LRP1B: variants seen among roughly 807,000 people sequenced by gnomAD.
LRP1B encodes the protein low-density lipoprotein receptor-related protein 1B.
LRP1B carries 217 observed loss-of-function variants against 556.6 expected under a neutral mutation model. The ratio of observed to expected loss-of-function variants is 0.39; its 90% CI spans 0.35 to 0.44. The LOEUF (loss-of-function observed/expected upper bound fraction) is 0.44. Among genes scored for constraint, LRP1B ranks in the 20% least tolerant of loss-of-function variants. The pLI, the probability that LRP1B is intolerant of heterozygous loss-of-function variation, is 1.00. For missense variants in LRP1B, 5,053 were observed against 5,620.8 expected (o/e 0.90, Z 3.23); for synonymous variants, 2,047 against 1,865.8 (o/e 1.10, Z -2.50).
chr2:141,570,240 A>G (rs965521108), intron 2 of LRP1B, among the ~76,000 whole-genome samples: 10 of 150,932 alleles, frequency 6.6e-5, no homozygotes, highest in Admixed American at 3.3e-4. Flanking sequence ...TCTCATCAAA[A>G]TTTACTAGAA....
chr2:140,982,233 A>G lies in LRP1B; in HGVS notation c.2814T>C (p.Arg938=). The G allele has an allele frequency of 6.2e-7, 1 of 1,613,374 alleles. No individual in the cohort carries two copies. Among genetic ancestry groups the G allele is most frequent in the Non-Finnish European group, 8.5e-7 (1 of 1,179,552 alleles). The change falls in exon 18 of 91, where the codon CGT becomes CGC. Residue 938 remains arginine, a synonymous_variant. Transcript: ENST00000389484. ...QVDQFSCGNG[R]CIPRAWLCDR... ...CACACAGCCATGCTCTGGGAATGCAACGCCCATTTCCGCAAGAAAACTGGT... is the reference window on the plus strand; with the variant it reads ...CACACAGCCATGCTCTGGGAATGCAGCGCCCATTTCCGCAAGAAAACTGGT...
At chr2:140,436,795 C>T (rs188136511) in intron 66 of LRP1B, among the ~76,000 whole-genome samples, 6 of 152,108 alleles carry the variant, frequency 3.9e-5, no homozygotes, top group Non-Finnish European at 7.4e-5. Context: ...TGCACATATT[C>T]TCAAGACAGA....
chr2:141,549,186 G>A (rs551347107), intron 2 of LRP1B, among the ~76,000 whole-genome samples: 1 of 152,288 alleles, frequency 6.6e-6, no homozygotes, highest in East Asian at 1.9e-4. Context: ...CTATGAATTG[G>A]AAGGTATAAG....
intron 66 of LRP1B, among the ~76,000 whole-genome samples, chr2:140,441,433 C>A (rs1401117): frequency 6.6e-6 from 1 of 151,892 alleles, no homozygotes; most frequent in African/African-American, 2.4e-5. Flanking sequence ...TACAAAGTGG[C>A]AAATGGTAGT....
At position 140,291,295 on chromosome 2, in the gene LRP1B, A is replaced by ATT. The variant is rs1176498060; in HGVS notation, c.12967+6511_12967+6512dup. Among the ~76,000 whole-genome samples, 20 of 25,796 alleles carry ATT rather than the reference A, an allele frequency of 7.8e-4. No individual in the cohort carries two copies. The South Asian group carries it at 0.012, about 16-fold the overall frequency. The allele number at this position is 25,796 out of a possible 152,430, so 16.9% of individuals were successfully genotyped here. On this transcript the variant is annotated intron_variant, in intron 84 of 90. Coordinates refer to ENST00000389484, the MANE Select transcript of LRP1B (RefSeq NM_018557.3). ...CTTAGATACCACTTCAAGAAATTTT[A>ATT]TTTTATATATATATATATATATATT... is the stretch of plus-strand genomic sequence containing the variant.
intron 66 of LRP1B, among the ~76,000 whole-genome samples, chr2:140,441,029 G>A (rs1241267870): frequency 6.6e-6 from 1 of 151,922 alleles, no homozygotes; most frequent in East Asian, 1.9e-4. Flanking sequence ...TGAAATAGGG[G>A]TAATAAAGAG....
At chr2:140,745,452 G>A (rs544273609) in intron 35 of LRP1B, among the ~76,000 whole-genome samples, 21 of 152,192 alleles carry the variant, frequency 1.4e-4, no homozygotes, top group African/African-American at 4.3e-4. Context: ...TAAATCAGTA[G>A]AATAAAGCTT....
chr2:140,583,162 C>CTTTTTTTTTTTTTTT (rs1220644581), intron 43 of LRP1B, among the ~76,000 whole-genome samples: 6 of 107,818 alleles, frequency 5.6e-5, no homozygotes, highest in Non-Finnish European at 7.0e-5. Flanking sequence ...ACAGTTTCTC[C>CTTTTTTTTTTTTTTT]TTTTTTTTCT....
At chr2:141,115,634 T>TGTGTGTGTGTGC (rs1553462003) in intron 7 of LRP1B, among the ~76,000 whole-genome samples, 1 of 105,652 alleles carries the variant, frequency 9.5e-6, no homozygotes, top group Non-Finnish European at 2.1e-5. Context: ...TTTGTGTGTG[T>TGTGTGTGTGTGC]GTGTGTGTGT....
intron 2 of LRP1B, among the ~76,000 whole-genome samples, chr2:141,594,150 G>C (rs943630935): frequency 2.0e-5 from 3 of 152,042 alleles, no homozygotes; most frequent in Non-Finnish European, 2.9e-5. Context: ...GCCAGATGGG[G>C]GACTTTCTCA....
chr2:141,838,175 A>G (rs777226260), intron 1 of LRP1B, among the ~76,000 whole-genome samples: 7 of 152,118 alleles, frequency 4.6e-5, no homozygotes, highest in Non-Finnish European at 8.8e-5. Context: ...AGCTATAATA[A>G]TCTATAACGT....
intron 18 of LRP1B, among the ~76,000 whole-genome samples, chr2:140,957,250 T>C (rs1455832182): frequency 6.6e-6 from 1 of 151,636 alleles, no homozygotes; most frequent in African/African-American, 2.4e-5. Flanking sequence ...TTAAGGCACA[T>C]GAACAAGAGG....
chr2:140,834,366 A>G (rs111726704), intron 31 of LRP1B, among the ~76,000 whole-genome samples: 11,333 of 152,108 alleles, frequency 0.075, 572 homozygotes, highest in East Asian at 0.17. Context: ...CAGCCTCTCG[A>G]GTAGCTGGGA....
At chr2:141,999,218 G>C (rs758324380) in intron 1 of LRP1B, among the ~76,000 whole-genome samples, 5 of 152,022 alleles carry the variant, frequency 3.3e-5, no homozygotes, top group Non-Finnish European at 5.9e-5. Flanking sequence ...AATGGGAGGA[G>C]AGTATAAGGA....
At chr2:140,855,492 G>GAAAAAAAAAAAAAAAA (rs1446373290) in intron 27 of LRP1B, among the ~76,000 whole-genome samples, 1 of 11,606 alleles carries the variant, frequency 8.6e-5, no homozygotes, top group Non-Finnish European at 4.2e-4. Flanking sequence ...ATCTCTACTG[G>GAAAAAAAAAAAAAAAA]GAAAAAAAAA....
intron 77 of LRP1B, among the ~76,000 whole-genome samples, chr2:140,339,304 GA>G (rs1681253867): frequency 6.6e-6 from 1 of 151,576 alleles, no homozygotes; most frequent in Admixed American, 6.6e-5. Context: ...TTTAAAACAG[GA>G]AAAAGGAAAA....
chr2:140,939,435 C>T (rs1695328255), intron 20 of LRP1B, among the ~76,000 whole-genome samples: 1 of 148,822 alleles, frequency 6.7e-6, no homozygotes, highest in South Asian at 2.1e-4. Flanking sequence ...CAATTAGTTG[C>T]CTAATGGATT....
At chr2:141,028,907 C>G (rs543682325) in intron 11 of LRP1B, among the ~76,000 whole-genome samples, 10 of 152,070 alleles carry the variant, frequency 6.6e-5, no homozygotes, top group Non-Finnish European at 1.2e-4. Flanking sequence ...GAAACATACG[C>G]AGAATAATCA....
chr2:140,591,520 G>A (rs1682224311), intron 43 of LRP1B, among the ~76,000 whole-genome samples: 1 of 152,152 alleles, frequency 6.6e-6, no homozygotes, highest in Non-Finnish European at 1.5e-5. Flanking sequence ...CATCTTATTG[G>A]CTCTCAATCA....
Sources: allele counts gnomAD v4.1 joint callset (sites outside exome capture counted in the v4.1 genomes callset), GRCh38; gene constraint gnomAD v4.1.1; transcripts MANE v1.5; gene names NCBI Gene and HGNC (gene_info 2026-07-23, HGNC 2026-07-21).